The following PPFIA2 variants were observed in gnomAD, a reference collection of about 807,000 sequenced individuals.
PPFIA2 encodes the protein liprin-alpha-2.
PPFIA2 carries 46 observed loss-of-function variants against 175.5 expected under a neutral mutation model. The observed-to-expected ratio is 0.26, with a 90% CI of 0.21 to 0.34. The LOEUF is 0.34. PPFIA2 is among the 10% of genes least tolerant of loss of function. The pLI is 1.00. For synonymous variants in PPFIA2, 568 were observed against 511.4 expected (o/e 1.11, Z -1.49); for missense variants, 1,179 against 1,506.1 (o/e 0.78, Z 3.60).
chr12:81,452,088 T>TAA (rs1368778440), intron 5 of PPFIA2, among the ~76,000 whole-genome samples: 4 of 152,026 alleles, frequency 2.6e-5, no homozygotes, highest in African/African-American at 9.7e-5. Context: ...CACATATGTA[T>TAA]CATATATTCA....
intron 26 of PPFIA2, chr12:81,282,637 G>T (rs978825570): frequency 6.2e-6 from 1 of 161,988 alleles, no homozygotes; most frequent in Non-Finnish European, 1.3e-5. Context: ...ATATCTGAAG[G>T]CATGTGCAAC....
At chr12:81,636,687 C>G (rs1031369835) in intron 4 of PPFIA2, among the ~76,000 whole-genome samples, 1 of 151,924 alleles carries the variant, frequency 6.6e-6, no homozygotes, top group African/African-American at 2.4e-5. Context: ...GAGTCTTGTT[C>G]TGTAGCTCAG....
chr12:81,409,232 G>C (rs1214269870), intron 7 of PPFIA2, among the ~76,000 whole-genome samples: 1 of 152,052 alleles, frequency 6.6e-6, no homozygotes, highest in East Asian at 1.9e-4. Context: ...TCAGAAGGAG[G>C]GCCCAAGCAA....
chr12:81,566,973 T>C (rs193095133), intron 4 of PPFIA2, among the ~76,000 whole-genome samples: 25 of 152,354 alleles, frequency 1.6e-4, no homozygotes, highest in African/African-American at 5.8e-4. Flanking sequence ...AAGAATAAAA[T>C]TATAATAGTA....
chr12:81,259,698 G>C (rs1244336651), intron 32 of PPFIA2, 38 bp from the exon 33 acceptor site: 1 of 1,524,172 alleles, frequency 6.6e-7, no homozygotes, highest in Non-Finnish European at 8.8e-7. Context: ...TCACTGAAAA[G>C]TCCCAGACTG....
intron 4 of PPFIA2, among the ~76,000 whole-genome samples, chr12:81,485,180 A>G (rs2058679106): frequency 6.6e-6 from 1 of 151,852 alleles, no homozygotes; most frequent in Non-Finnish European, 1.5e-5. Context: ...TTTCTAATTC[A>G]AAGTGATACT....
At chr12:81,629,635 G>T (rs572897914) in intron 4 of PPFIA2, among the ~76,000 whole-genome samples, 12 of 152,244 alleles carry the variant, frequency 7.9e-5, no homozygotes, top group African/African-American at 2.9e-4. Flanking sequence ...GAGTAACCTG[G>T]ATCACACTAA....
intron 3 of PPFIA2, among the ~76,000 whole-genome samples, chr12:81,709,913 C>G (rs552530165): frequency 2.0e-5 from 3 of 151,908 alleles, no homozygotes; most frequent in Non-Finnish European, 2.9e-5. Context: ...TATTGCCATA[C>G]TGTCTTCCCA....
chr12:81,279,189 C>T (rs2041424061), intron 27 of PPFIA2: 1 of 152,082 alleles, frequency 6.6e-6, no homozygotes, highest in Non-Finnish European at 1.5e-5. Flanking sequence ...TATATATTCA[C>T]AGAGAAAGGA....
intron 27 of PPFIA2, 66 bp from the exon 28 acceptor site, chr12:81,277,480 G>C: frequency 7.0e-7 from 1 of 1,418,988 alleles, no homozygotes; most frequent in Non-Finnish European, 9.1e-7. Flanking sequence ...AAAGTTTTGT[G>C]ATTAGCCATA....
intron 7 of PPFIA2, among the ~76,000 whole-genome samples, chr12:81,422,640 A>C (rs888899581): frequency 7.2e-5 from 11 of 152,084 alleles, no homozygotes; most frequent in African/African-American, 2.7e-4. Context: ...GAGCTCTTAT[A>C]ATAACCCTCA....
intron 6 of PPFIA2, among the ~76,000 whole-genome samples, chr12:81,443,727 T>A (rs2050661345): frequency 6.6e-6 from 1 of 152,058 alleles, no homozygotes; most frequent in Non-Finnish European, 1.5e-5. Context: ...TCTGGATAGG[T>A]CCTTCTCTTC....
chr12:81,723,677 G>C (rs887548239), intron 3 of PPFIA2, among the ~76,000 whole-genome samples: 1 of 150,886 alleles, frequency 6.6e-6, no homozygotes, highest in African/African-American at 2.4e-5. Context: ...AAAGCTTCCA[G>C]TTGAGTTTAT....
chr12:81,406,869 T>C (rs910206635), intron 7 of PPFIA2, among the ~76,000 whole-genome samples: 2 of 152,198 alleles, frequency 1.3e-5, no homozygotes, highest in African/African-American at 4.8e-5. Flanking sequence ...AAGACCAACA[T>C]GTCACAAGAC....
intron 4 of PPFIA2, among the ~76,000 whole-genome samples, chr12:81,588,720 A>G (rs2075621327): frequency 6.6e-6 from 1 of 152,088 alleles, no homozygotes; most frequent in African/African-American, 2.4e-5. Context: ...CCTATTAAAT[A>G]TGTTTTACTT....
intron 22 of PPFIA2, among the ~76,000 whole-genome samples, chr12:81,320,487 C>T (rs1308173664): frequency 6.6e-6 from 1 of 151,796 alleles, no homozygotes; most frequent in African/African-American, 2.4e-5. Flanking sequence ...CAGTGTTAAC[C>T]ATTCAGAATA....
chr12:81,331,960 T>C (rs1305893357), intron 21 of PPFIA2, among the ~76,000 whole-genome samples: 1 of 152,192 alleles, frequency 6.6e-6, no homozygotes, highest in South Asian at 2.1e-4. Context: ...AGAGTTGGTG[T>C]TTCTCAGGTG....
At chr12:81,643,907 T>C (rs2065696791) in intron 4 of PPFIA2, among the ~76,000 whole-genome samples, 1 of 151,974 alleles carries the variant, frequency 6.6e-6, no homozygotes, top group Non-Finnish European at 1.5e-5. Flanking sequence ...TGTTTTCCAG[T>C]TCTGAGCTTC....
intron 4 of PPFIA2, among the ~76,000 whole-genome samples, chr12:81,597,313 G>T (rs2059355213): frequency 6.6e-6 from 1 of 151,956 alleles, no homozygotes; most frequent in Non-Finnish European, 1.5e-5. Flanking sequence ...AATACATTTA[G>T]TAGGTAACAG....
Sources: gnomAD v4.1 joint callset for allele counts (sites outside exome capture counted in the v4.1 genomes callset) on GRCh38, gnomAD v4.1.1 for gene constraint, MANE v1.5 for transcripts, NCBI Gene and HGNC (gene_info 2026-07-23, HGNC 2026-07-21) for gene names.